Variants in NRG1 observed in about 807,000 individuals in gnomAD.
NRG1 encodes neuregulin 1, also known as pro-neuregulin-1, membrane-bound isoform.
A neutral mutation model predicts 63.8 loss-of-function variants in NRG1; 18 were observed. The observed-to-expected ratio is 0.28, with a 90% CI of 0.19 to 0.42. The LOEUF (loss-of-function observed/expected upper bound fraction) is 0.42, where lower values mean the gene tolerates loss of function less well. Ranked by LOEUF, NRG1 falls within the 10% of genes least tolerant of loss-of-function variation. NRG1 has a pLI of 1.00. For synonymous variants in NRG1, 302 were observed against 301.3 expected, an observed-to-expected ratio of 1.00 and a Z score of -0.02; for missense variants, 762 against 814.7, an observed-to-expected ratio of 0.94 and a Z score of 0.79.
intron 1 of NRG1, among the ~76,000 whole-genome samples, chr8:31,918,047 G>T (rs1156782522): frequency 2.6e-5 from 4 of 152,122 alleles, no homozygotes; most frequent in African/African-American, 9.7e-5. Flanking sequence ...TTTGTACATT[G>T]ATTTTGTATC....
chr8:32,071,570 A>G (rs1825765452), intron 1 of NRG1, among the ~76,000 whole-genome samples: 1 of 152,208 alleles, frequency 6.6e-6, no homozygotes, highest in Non-Finnish European at 1.5e-5. Flanking sequence ...ACTAGGAAGT[A>G]TAAAGTACTT....
At chr8:32,201,879 G>A (rs951100648) in intron 1 of NRG1, among the ~76,000 whole-genome samples, 2 of 152,156 alleles carry the variant, frequency 1.3e-5, no homozygotes. Context: ...AAGTTAATGT[G>A]GATTTCACAG....
At chr8:32,657,252 T>G (rs927246155) in intron 5 of NRG1, among the ~76,000 whole-genome samples, 1 of 151,736 alleles carries the variant, frequency 6.6e-6, no homozygotes, top group Non-Finnish European at 1.5e-5. Flanking sequence ...TGGTGTACAA[T>G]GTAATATAAT....
At chr8:32,425,463 G>A (rs935119963) in intron 1 of NRG1, among the ~76,000 whole-genome samples, 1 of 152,038 alleles carries the variant, frequency 6.6e-6, no homozygotes, top group Non-Finnish European at 1.5e-5. Flanking sequence ...TTAGATCAGG[G>A]GTTAGCAAAC....
intron 5 of NRG1, among the ~76,000 whole-genome samples, chr8:32,690,938 A>AGT (rs113081002): frequency 0.19 from 24,775 of 130,964 alleles, 2,163 homozygotes; most frequent in Non-Finnish European, 0.2. Context: ...TTTCCCTCTC[A>AGT]GTGTGTGTGT....
At chr8:32,610,599 T>C (rs1019988038) in intron 3 of NRG1, among the ~76,000 whole-genome samples, 5 of 152,172 alleles carry the variant, frequency 3.3e-5, no homozygotes, top group African/African-American at 2.4e-5. Flanking sequence ...GCCATACTTA[T>C]ACTGTTTTCA....
At chr8:31,785,491 C>A (rs1014632582) in intron 1 of NRG1, among the ~76,000 whole-genome samples, 3 of 152,126 alleles carry the variant, frequency 2.0e-5, no homozygotes, top group Non-Finnish European at 4.4e-5. Flanking sequence ...GGAGGCAATT[C>A]ATGAGAATTG....
intron 1 of NRG1, among the ~76,000 whole-genome samples, chr8:32,557,914 T>A (rs930024587): frequency 2.0e-5 from 3 of 152,174 alleles, no homozygotes; most frequent in Non-Finnish European, 4.4e-5. Context: ...AACATGTTGA[T>A]GATATTGTGT....
intron 1 of NRG1, among the ~76,000 whole-genome samples, chr8:32,068,710 A>T (rs1170530532): frequency 6.6e-6 from 1 of 152,244 alleles, no homozygotes; most frequent in African/African-American, 2.4e-5. Flanking sequence ...AACCAGGCCA[A>T]GGTGAGGCAT....
intron 1 of NRG1, among the ~76,000 whole-genome samples, chr8:31,680,057 G>A (rs1379921054): frequency 6.6e-6 from 1 of 152,022 alleles, no homozygotes; most frequent in African/African-American, 2.4e-5. Flanking sequence ...ACCTAAATGA[G>A]TGGTAAAATA....
intron 1 of NRG1, among the ~76,000 whole-genome samples, chr8:32,325,576 A>C (rs1459708429): frequency 6.6e-6 from 1 of 152,012 alleles, no homozygotes; most frequent in Non-Finnish European, 1.5e-5. Flanking sequence ...ATAGGGTTTC[A>C]CCATGTTGAC....
chr8:32,616,801 C>A (rs749565674), intron 4 of NRG1, 34 bp from the exon 5 acceptor site: 2 of 1,566,772 alleles, frequency 1.3e-6, no homozygotes, highest in Non-Finnish European at 8.8e-7. Context: ...CAGCATGACT[C>A]AATAAAGCCT....
chr8:32,163,198 G>A (rs1164897549), intron 1 of NRG1, among the ~76,000 whole-genome samples: 1 of 152,190 alleles, frequency 6.6e-6, no homozygotes, highest in Non-Finnish European at 1.5e-5. Flanking sequence ...CCAGCCTAGA[G>A]ACCCATGTGG....
At chr8:32,116,003 G>C (rs1262472574) in intron 1 of NRG1, among the ~76,000 whole-genome samples, 1 of 152,116 alleles carries the variant, frequency 6.6e-6, no homozygotes, top group Non-Finnish European at 1.5e-5. Context: ...GTTATTGCTT[G>C]AGATATTTTC....
At chr8:32,720,386 A>G (rs550916933) in intron 5 of NRG1, among the ~76,000 whole-genome samples, 4 of 152,276 alleles carry the variant, frequency 2.6e-5, no homozygotes, top group East Asian at 3.9e-4. Flanking sequence ...AAATATATCA[A>G]ATTAAGCCAG....
At chr8:32,516,471 T>A (rs1423913952) in intron 1 of NRG1, among the ~76,000 whole-genome samples, 1 of 152,178 alleles carries the variant, frequency 6.6e-6, no homozygotes. Context: ...AAAAATGATG[T>A]TGGTAGTTTG....
chr8:32,488,228 A>G (rs1384255611), intron 1 of NRG1, among the ~76,000 whole-genome samples: 1 of 152,176 alleles, frequency 6.6e-6, no homozygotes, highest in African/African-American at 2.4e-5. Context: ...CTCTGATTTC[A>G]TTACTTTTAG....
chr8:32,452,274 G>A (rs1455795810), intron 1 of NRG1, among the ~76,000 whole-genome samples: 1 of 152,170 alleles, frequency 6.6e-6, no homozygotes, highest in Admixed American at 6.5e-5. Flanking sequence ...TAAAAAGTGG[G>A]CTTTGCTTGG....
chr8:32,348,952 T>C (rs1377619193), intron 1 of NRG1, among the ~76,000 whole-genome samples: 2 of 152,214 alleles, frequency 1.3e-5, no homozygotes, highest in East Asian at 3.8e-4. Context: ...TGCAACTTTA[T>C]ATCTTAGCAG....
Sources: allele counts gnomAD v4.1 joint callset (sites outside exome capture counted in the v4.1 genomes callset), GRCh38; gene constraint gnomAD v4.1.1; transcripts MANE v1.5; gene names NCBI Gene and HGNC (gene_info 2026-07-23, HGNC 2026-07-21).